STK10: variants seen among roughly 807,000 people sequenced by gnomAD.
The protein encoded by STK10 is serine/threonine kinase 10.
In STK10, 78 loss-of-function variants were observed where a neutral mutation model predicts 113.8. That is an observed-to-expected ratio of 0.69 (90% CI 0.57 to 0.83). The LOEUF (loss-of-function observed/expected upper bound fraction) is 0.83, where lower values mean the gene tolerates loss of function less well. STK10 is among the 40% of genes least tolerant of loss of function. The pLI, the probability that STK10 is intolerant of heterozygous loss-of-function variation, is 0.00. For missense variants in STK10, 1,109 were observed against 1,280.1 expected, an observed-to-expected ratio of 0.87 and a Z score of 2.04; for synonymous variants, 465 against 494.7, an observed-to-expected ratio of 0.94 and a Z score of 0.80.
intron 2 of STK10, among the ~76,000 whole-genome samples, chr5:172,134,018 C>A (rs1769806405): frequency 6.6e-6 from 1 of 152,220 alleles, no homozygotes; most frequent in African/African-American, 2.4e-5. Context: ...GTCCAAGAAT[C>A]TGGTTTCCAA....
chr5:172,092,505 C>G (rs1768736884), intron 9 of STK10: 1 of 152,172 alleles, frequency 6.6e-6, no homozygotes, highest in African/African-American at 2.4e-5. Flanking sequence ...CAGGTAACAG[C>G]TGCTGTGCAT....
intron 3 of STK10, among the ~76,000 whole-genome samples, chr5:172,125,792 G>A (rs571769620): frequency 6.6e-6 from 1 of 152,292 alleles, no homozygotes; most frequent in East Asian, 1.9e-4. Context: ...AGTGGCCTAT[G>A]AAGCGCCTTG....
intron 2 of STK10, among the ~76,000 whole-genome samples, chr5:172,131,013 T>C (rs1769743426): frequency 6.6e-6 from 1 of 151,138 alleles, no homozygotes; most frequent in Non-Finnish European, 1.5e-5. Context: ...AACTAAAAGT[T>C]ATGGACATGC....
intron 5 of STK10, 22 bp from the exon 6 acceptor site, chr5:172,106,836 A>G (rs1488103761): frequency 6.2e-7 from 1 of 1,606,280 alleles, no homozygotes; most frequent in Non-Finnish European, 8.5e-7. Flanking sequence ...AAGGGACAAC[A>G]TAGGGCTAAG....
chr5:172,124,505 C>T (rs73327445), intron 3 of STK10, among the ~76,000 whole-genome samples: 1,818 of 152,258 alleles, frequency 0.012, 42 homozygotes, highest in African/African-American at 0.041. Flanking sequence ...TAACATGTGC[C>T]ATGTATCCTC....
chr5:172,115,943 C>T (rs774719075), intron 4 of STK10, among the ~76,000 whole-genome samples: 3 of 152,202 alleles, frequency 2.0e-5, no homozygotes, highest in Non-Finnish European at 4.4e-5. Context: ...CCTGCCAAGT[C>T]TCCAGCACAT....
chr5:172,140,044 G>A (rs953106686), intron 2 of STK10, among the ~76,000 whole-genome samples: 4 of 151,868 alleles, frequency 2.6e-5, no homozygotes, highest in Non-Finnish European at 5.9e-5. Context: ...ATTTAACAGG[G>A]GTTAATCTCC....
At chr5:172,115,562 C>T (rs1326372210) in intron 4 of STK10, among the ~76,000 whole-genome samples, 1 of 152,176 alleles carries the variant, frequency 6.6e-6, no homozygotes, top group African/African-American at 2.4e-5. Context: ...CCATGATGTA[C>T]ACATTTTCCT....
intron 1 of STK10, among the ~76,000 whole-genome samples, chr5:172,158,047 T>C (rs970570375): frequency 6.6e-6 from 1 of 152,190 alleles, no homozygotes; most frequent in Non-Finnish European, 1.5e-5. Context: ...AAAACAAGTC[T>C]TCCTTATGTG....
chr5:172,043,090 A>ATTTTT lies in STK10; in HGVS notation c.*1787_*1791dup. On this transcript the variant is annotated 3_prime_UTR_variant, in exon 19 of 19. Coordinates refer to ENST00000176763, the MANE Select transcript of STK10 (RefSeq NM_005990.4). ...CATATTAGAGACCCTGTCTCAAAGAATTTTTTTTTTTTTTTTTTTTGAGAG... is the reference window on the plus strand; with the variant it reads ...CATATTAGAGACCCTGTCTCAAAGAATTTTTTTTTTTTTTTTTTTTTTTTTGAGAG... The ATTTTT allele has an allele frequency of 7.3e-6, 1 of 137,044 alleles. No homozygotes were observed. 8.5% of individuals were successfully genotyped at this position (137,044 alleles called of 1,614,324 possible).
chr5:172,055,557 C>A (rs771359174), intron 16 of STK10, 31 bp downstream of exon 16: 7 of 1,419,564 alleles, frequency 4.9e-6, no homozygotes, highest in Non-Finnish European at 6.5e-6. Context: ...CACCCCAGCA[C>A]ACTTGCAGAC....
At chr5:172,151,044 C>G (rs1381455576) in intron 2 of STK10, among the ~76,000 whole-genome samples, 1 of 152,250 alleles carries the variant, frequency 6.6e-6, no homozygotes, top group Non-Finnish European at 1.5e-5. Flanking sequence ...CACACCAGGC[C>G]CCGTGCCGGG....
chr5:172,100,770 C>T (rs548814392), intron 7 of STK10, among the ~76,000 whole-genome samples: 1 of 151,978 alleles, frequency 6.6e-6, no homozygotes, highest in African/African-American at 2.4e-5. Flanking sequence ...CTGGGCAACA[C>T]GACGAGACTC....
rs541204084 is a variant in STK10, at chr5:172,175,218, T to C, written c.156+12669A>G. 9.9e-5 allele frequency among the ~76,000 whole-genome samples: 15 copies of C among 152,242 alleles called. No individual in the cohort carries two copies. In the South Asian group the frequency reaches 1.2e-3, roughly 13 times the overall value. On this transcript the variant is annotated intron_variant, in intron 1 of 18. Coordinates refer to ENST00000176763, the MANE Select transcript of STK10 (RefSeq NM_005990.4). ...TTTTGGAAGAGATGGAGTCTTCCTA[T>C]GTTTCCTAGGCTGGTCGTGAACTCC...
chr5:172,061,351 C>A (rs571590987), intron 13 of STK10, 83 bp from the exon 14 acceptor site: 4 of 1,483,678 alleles, frequency 2.7e-6, no homozygotes, highest in African/African-American at 1.4e-5. Flanking sequence ...GAGAAAAGCC[C>A]GCGTGATCAG....
intron 10 of STK10, among the ~76,000 whole-genome samples, chr5:172,087,631 T>TTATTTA (rs1561801957): frequency 1.1e-4 from 14 of 128,314 alleles, no homozygotes; most frequent in African/African-American, 4.8e-4. Context: ...TTATTTTTTT[T>TTATTTA]TTTTTTTTGA....
At chr5:172,102,425 C>T (rs901160418) in intron 7 of STK10, among the ~76,000 whole-genome samples, 1 of 152,176 alleles carries the variant, frequency 6.6e-6, no homozygotes, top group African/African-American at 2.4e-5. Flanking sequence ...GTGTGAGATG[C>T]CCACTGGACC....
chr5:172,082,356 G>A lies in STK10; in HGVS notation c.1959C>T (p.Phe653=). ...TCTTCATCAGTTTGAGCTGCTCTTG[G>A]AACCTGGTGTAGTCCCGATCCTGCT... ...RLEQDRDYTR[F]QEQLKLMKKE... is the part of the protein sequence containing the mutation. Residue 653 remains phenylalanine (F), a synonymous_variant, in exon 12 of 19, where the codon TTC becomes TTT. Transcript: ENST00000176763. This position sits in a 1 kb window ranked among gnomAD's most constrained non-coding sequence, Gnocchi z 4.3. 19 of 1,582,012 alleles carry A rather than the reference G, an allele frequency of 1.2e-5. No homozygotes were observed. Among genetic ancestry groups the A allele is most frequent in the Non-Finnish European group, 1.6e-5 (19 of 1,166,858 alleles).
At chr5:172,101,365 G>A (rs1768985379) in intron 7 of STK10, among the ~76,000 whole-genome samples, 1 of 151,848 alleles carries the variant, frequency 6.6e-6, no homozygotes, top group Non-Finnish European at 1.5e-5. Context: ...CAACTACTTG[G>A]GAAGCCGAGA....
Sources: allele counts gnomAD v4.1 joint callset (sites outside exome capture counted in the v4.1 genomes callset), GRCh38; gene constraint gnomAD v4.1.1; non-coding constraint Gnocchi (gnomAD v3.1); transcripts MANE v1.5; gene names NCBI Gene and HGNC (gene_info 2026-07-23, HGNC 2026-07-21).